NKAIN2: variants seen among roughly 807,000 people sequenced by gnomAD.
NKAIN2 encodes the protein sodium/potassium transporting ATPase interacting 2.
In NKAIN2, 14 loss-of-function variants were observed where a neutral mutation model predicts 32.6. The ratio of observed to expected loss-of-function variants is 0.43; its 90% CI spans 0.28 to 0.67. The LOEUF (loss-of-function observed/expected upper bound fraction) is 0.67. NKAIN2 is among the 30% of genes least tolerant of loss of function. NKAIN2 has a pLI of 0.17. For synonymous variants in NKAIN2, 80 were observed against 87.2 expected, an observed-to-expected ratio of 0.92 and a Z score of 0.46; for missense variants, 198 against 258.3, an observed-to-expected ratio of 0.77 and a Z score of 1.60.
chr6:124,240,603 A>G (rs943927354), intron 1 of NKAIN2, among the ~76,000 whole-genome samples: 1 of 152,144 alleles, frequency 6.6e-6, no homozygotes, highest in East Asian at 1.9e-4. Context: ...ACACTAATCA[A>G]TAAACATAAT....
chr6:123,842,060 A>G (rs1774894576), intron 1 of NKAIN2, among the ~76,000 whole-genome samples: 1 of 152,230 alleles, frequency 6.6e-6, no homozygotes, highest in South Asian at 2.1e-4. Context: ...GTATCTGTCT[A>G]CCAACATCAG....
chr6:124,592,255 C>T lies in NKAIN2; in HGVS notation c.274-65931C>T, dbSNP rs1781938610. 6.6e-5 allele frequency among the ~76,000 whole-genome samples: 10 copies of T among 152,220 alleles called. No individual in the cohort carries two copies. In the South Asian group the frequency reaches 2.1e-3, roughly 32 times the overall value. The stretch of plus-strand genomic sequence containing the variant: ...AACAAAAAATACTTGAGGTTATTAG[C>T]TAGTTTTCAGAATTTTAGATAATTG... On this transcript the variant is annotated intron_variant, in intron 3 of 6. Transcript: ENST00000368417.
intron 3 of NKAIN2, among the ~76,000 whole-genome samples, chr6:124,462,120 TAGCTCCGTGAGGGGATACAGCTTCTA>T (rs1393966569): frequency 2.0e-5 from 3 of 151,868 alleles, no homozygotes; most frequent in African/African-American, 7.2e-5. Context: ...TCTACAGTCT[TAGCTCCGTGAGGGGATACAGCTTCTA>T]AAAGCATTAC....
At chr6:124,375,591 A>G (rs1799956689) in intron 3 of NKAIN2, among the ~76,000 whole-genome samples, 1 of 151,808 alleles carries the variant, frequency 6.6e-6, no homozygotes, top group South Asian at 2.1e-4. Context: ...GTAAATGTCT[A>G]AAAGGAAGCA....
intron 4 of NKAIN2, among the ~76,000 whole-genome samples, chr6:124,664,585 G>T (rs1359641056): frequency 6.6e-6 from 1 of 150,894 alleles, no homozygotes; most frequent in East Asian, 2.0e-4. Context: ...ACGAGGTCAG[G>T]AGATCGAGAC....
chr6:123,819,303 GA>G (rs1400234328), intron 1 of NKAIN2, among the ~76,000 whole-genome samples: 1 of 152,124 alleles, frequency 6.6e-6, no homozygotes, highest in Non-Finnish European at 1.5e-5. Context: ...GTATTCACTT[GA>G]AGCCAATGGA....
chr6:124,814,354 T>A (rs1267961783), intron 5 of NKAIN2, among the ~76,000 whole-genome samples: 1 of 152,194 alleles, frequency 6.6e-6, no homozygotes, highest in East Asian at 1.9e-4. Context: ...ACAGAAAATA[T>A]GCCCTCTACT....
At chr6:124,414,777 T>G (rs749108352) in intron 3 of NKAIN2, among the ~76,000 whole-genome samples, 47 of 152,180 alleles carry the variant, frequency 3.1e-4, no homozygotes, top group Non-Finnish European at 5.3e-4. Flanking sequence ...TAATAAGTAT[T>G]GAATATGTTA....
At chr6:124,681,372 T>G (rs1331021870) in intron 4 of NKAIN2, among the ~76,000 whole-genome samples, 2 of 152,028 alleles carry the variant, frequency 1.3e-5, no homozygotes, top group African/African-American at 4.8e-5. Context: ...CATCTAACTG[T>G]CTTCCACTTC....
intron 1 of NKAIN2, among the ~76,000 whole-genome samples, chr6:124,017,008 G>C (rs74708132): frequency 6.6e-6 from 1 of 152,090 alleles, no homozygotes; most frequent in Non-Finnish European, 1.5e-5. Flanking sequence ...TTCTCACATG[G>C]CTAGTAAAAA....
chr6:124,463,453 G>GT (rs1396421093), intron 3 of NKAIN2, among the ~76,000 whole-genome samples: 2 of 151,910 alleles, frequency 1.3e-5, no homozygotes, highest in African/African-American at 4.8e-5. Context: ...TGCCTCTATT[G>GT]TATCACTCCC....
intron 1 of NKAIN2, among the ~76,000 whole-genome samples, chr6:124,136,161 A>G (rs780041635): frequency 9.9e-5 from 15 of 152,192 alleles, no homozygotes; most frequent in Non-Finnish European, 1.9e-4. Flanking sequence ...GAAGATACAA[A>G]TAAGCTCAAT....
intron 3 of NKAIN2, among the ~76,000 whole-genome samples, chr6:124,428,979 G>A (rs759283050): frequency 6.6e-6 from 1 of 152,094 alleles, no homozygotes; most frequent in African/African-American, 2.4e-5. Context: ...GCTACTTTCT[G>A]TTTTCTGAAT....
chr6:124,161,482 C>T (rs1173568880), intron 1 of NKAIN2, among the ~76,000 whole-genome samples: 2 of 152,046 alleles, frequency 1.3e-5, no homozygotes, highest in African/African-American at 4.8e-5. Flanking sequence ...ATCAATAAAA[C>T]ATGAATCTGA....
chr6:123,939,502 C>T (rs1221069187), intron 1 of NKAIN2, among the ~76,000 whole-genome samples: 1 of 151,858 alleles, frequency 6.6e-6, no homozygotes, highest in Non-Finnish European at 1.5e-5. Context: ...AAATGTGACT[C>T]ATGGATAGAT....
At chr6:124,706,500 A>AAAAAAC (rs1554254525) in intron 4 of NKAIN2, among the ~76,000 whole-genome samples, 12 of 151,936 alleles carry the variant, frequency 7.9e-5, no homozygotes, top group Middle Eastern at 3.4e-3. Flanking sequence ...GGTCCTCAAA[A>AAAAAAC]AAAACAAAAA....
At chr6:124,614,628 T>C (rs898019661) in intron 3 of NKAIN2, among the ~76,000 whole-genome samples, 2 of 152,144 alleles carry the variant, frequency 1.3e-5, no homozygotes, top group African/African-American at 4.8e-5. Flanking sequence ...CAAGGCTGGA[T>C]GGTTGTCTTT....
chr6:124,371,173 T>G (rs1190753402), intron 3 of NKAIN2, among the ~76,000 whole-genome samples: 1 of 152,140 alleles, frequency 6.6e-6, no homozygotes, highest in Non-Finnish European at 1.5e-5. Context: ...CTTTAAGTTA[T>G]ACCTCAATAA....
chr6:124,359,729 T>A (rs1488930652), intron 3 of NKAIN2, among the ~76,000 whole-genome samples: 1 of 152,192 alleles, frequency 6.6e-6, no homozygotes, highest in Non-Finnish European at 1.5e-5. Context: ...CAGGGACAAT[T>A]TGACTTCCTC....
Sources: gnomAD v4.1 joint callset for allele counts (sites outside exome capture counted in the v4.1 genomes callset) on GRCh38, gnomAD v4.1.1 for gene constraint, MANE v1.5 for transcripts, NCBI Gene and HGNC (gene_info 2026-07-23, HGNC 2026-07-21) for gene names.